KCTD1: variants seen among roughly 807,000 people sequenced by gnomAD.
KCTD1 encodes potassium channel tetramerization domain containing 1.
Under a neutral mutation model 66.0 loss-of-function variants are expected in KCTD1, and 24 were observed. The observed-to-expected ratio is 0.36, with a 90% CI of 0.26 to 0.51. The LOEUF is 0.51. Among genes scored for constraint, KCTD1 ranks in the 20% least tolerant of loss-of-function variants. The pLI is 0.95. For synonymous variants in KCTD1, 511 were observed against 517.2 expected, an observed-to-expected ratio of 0.99 and a Z score of 0.16; for missense variants, 943 against 1,205.2, an observed-to-expected ratio of 0.78 and a Z score of 3.22.
intron 1 of KCTD1, among the ~76,000 whole-genome samples, chr18:26,610,534 C>A (rs528449369): frequency 6.6e-6 from 1 of 150,852 alleles, no homozygotes; most frequent in African/African-American, 2.5e-5. Flanking sequence ...GCTATGACAG[C>A]GCCAATGCAC....
At chr18:26,550,666 G>A (rs1314320904), upstream of KCTD1, among the ~76,000 whole-genome samples, 1 of 152,122 alleles carries the variant, frequency 6.6e-6, no homozygotes, top group African/African-American at 2.4e-5. The surrounding 1 kb of genome is among the most constrained non-coding windows in gnomAD (Gnocchi z 5.4). Flanking sequence ...CCGAGGTGCG[G>A]CGCGGGAGGT....
intron 1 of KCTD1, among the ~76,000 whole-genome samples, chr18:26,525,499 A>C (rs889856255): frequency 6.6e-6 from 1 of 152,104 alleles, no homozygotes; most frequent in African/African-American, 2.4e-5. Context: ...AACTGAACTA[A>C]CTTGGTGTTT....
At chr18:26,605,724 A>ATATCTCTATATCTATC (rs375553943) in intron 1 of KCTD1, among the ~76,000 whole-genome samples, 9 of 136,044 alleles carry the variant, frequency 6.6e-5, no homozygotes, top group African/African-American at 1.7e-4. Context: ...ATATATCTCT[A>ATATCTCTATATCTATC]TATCTATCTA....
intron 1 of KCTD1, among the ~76,000 whole-genome samples, chr18:26,503,563 G>A (rs1192932398): frequency 3.9e-5 from 6 of 152,004 alleles, no homozygotes; most frequent in East Asian, 1.9e-4. Context: ...ATCACAGCGC[G>A]GCAGAGTCTG....
chr18:26,503,269 C>T (rs1982859975), intron 1 of KCTD1, among the ~76,000 whole-genome samples: 1 of 151,070 alleles, frequency 6.6e-6, no homozygotes. Context: ...GTTTGTAACA[C>T]ACAAAGAAGA....
chr18:26,547,441 G>C lies in KCTD1; in HGVS notation c.1096C>G (p.Arg366Gly). 6.4e-7 allele frequency: 1 copy of C among 1,551,420 alleles called. No homozygotes were observed. Among genetic ancestry groups the C allele is most frequent in the East Asian group, 2.4e-5 (1 of 40,924 alleles). The change falls in exon 1 of 5, where the codon CGC becomes GGC. Residue 366 changes from arginine to glycine, a missense_variant. Physicochemically the swap from Arg to Gly is moderately radical, Grantham distance 125. This residue lies in a region of KCTD1 where 66 missense variants were observed against 61.6 expected (regional missense o/e 1.07). Coordinates refer to ENST00000580059, the MANE Select transcript of KCTD1 (RefSeq NM_001142730.3). ...TTCTCCTCGTCGCTGCTCTCGGCGCGCTTCTTGCTCCACGACGACGAGCGC... is the reference window on the plus strand; with the variant it reads ...TTCTCCTCGTCGCTGCTCTCGGCGCCCTTCTTGCTCCACGACGACGAGCGC... ...KSRSSSWSKKRAESSDEENLP... is the reference protein window; with the variant it reads ...KSRSSSWSKKGAESSDEENLP...
chr18:26,608,724 C>T lies in KCTD1; in HGVS notation c.-16+20423G>A, dbSNP rs569639590. Among the ~76,000 whole-genome samples the T allele has an allele frequency of 2.9e-4, 44 of 152,238 alleles. No homozygotes were observed. In the South Asian group the frequency reaches 5.2e-3, roughly 18 times the overall value. On this transcript the variant is annotated intron_variant, in intron 1 of 4. Transcript: ENST00000317932. ...TCTTATTGTGCACAGTGATGCTTTACCCACTTTATATTGAACACAGTATAT... is the reference window on the plus strand; with the variant it reads ...TCTTATTGTGCACAGTGATGCTTTATCCACTTTATATTGAACACAGTATAT...
At chr18:26,511,538 T>C (rs1021335199) in intron 1 of KCTD1, among the ~76,000 whole-genome samples, 1 of 152,204 alleles carries the variant, frequency 6.6e-6, no homozygotes, top group Non-Finnish European at 1.5e-5. Flanking sequence ...AGGTTGGCAA[T>C]GAAACAGCGT....
chr18:26,547,661 C>T lies in KCTD1; in HGVS notation c.876G>A (p.Leu292=), dbSNP rs890301552. 1.9e-5 allele frequency: 30 copies of T among 1,551,448 alleles called. No homozygotes were observed. In the Admixed American group the frequency reaches 5.5e-4, roughly 28 times the overall value. The change falls in exon 1 of 5, where the codon CTG becomes CTA. Residue 292 remains leucine (L), a synonymous_variant. Transcript: ENST00000580059. ...QAITRADLRK[L]YTSSVFSTNT... ...TGGTGCTGAAGACGCTGGAGGTGTA[C>T]AGCTTGCGCAGGTCGGCGCGCGTGA...
At chr18:26,493,405 T>TTA (rs1982308606) in intron 2 of KCTD1, among the ~76,000 whole-genome samples, 1 of 110,046 alleles carries the variant, frequency 9.1e-6, no homozygotes, top group Non-Finnish European at 2.3e-5. Flanking sequence ...ATGTATTTTT[T>TTA]GGGGGGAAAA....
intron 1 of KCTD1, chr18:26,600,365 T>A (rs1434708277): frequency 8.9e-6 from 11 of 1,240,198 alleles, no homozygotes; most frequent in South Asian, 2.4e-5. Context: ...ATGGGACCCA[T>A]CTGCTCCTCC....
At chr18:26,458,479 G>A (rs887577336) in intron 4 of KCTD1, 1 of 152,130 alleles carries the variant, frequency 6.6e-6, no homozygotes, top group Non-Finnish European at 1.5e-5. Context: ...TGTGTCACAC[G>A]GAGCTGGAAT....
chr18:26,508,226 T>C (rs934617359), intron 1 of KCTD1, among the ~76,000 whole-genome samples: 1 of 152,212 alleles, frequency 6.6e-6, no homozygotes, highest in African/African-American at 2.4e-5. Flanking sequence ...TGCTGATCGG[T>C]GCATCTTTAA....
chr18:26,608,682 A>G (rs937821325), intron 1 of KCTD1, among the ~76,000 whole-genome samples: 3 of 152,156 alleles, frequency 2.0e-5, no homozygotes, highest in African/African-American at 7.2e-5. Flanking sequence ...TGAATGTATA[A>G]TTAATCACCT....
At chr18:26,535,074 G>C (rs914163546) in intron 1 of KCTD1, among the ~76,000 whole-genome samples, 2 of 132,656 alleles carry the variant, frequency 1.5e-5, no homozygotes, top group African/African-American at 5.6e-5. Context: ...AGAGCTCCCT[G>C]CCAAGGGCAT....
At chr18:26,466,770 A>G (rs1268975728) in intron 3 of KCTD1, among the ~76,000 whole-genome samples, 1 of 152,248 alleles carries the variant, frequency 6.6e-6, no homozygotes, top group Non-Finnish European at 1.5e-5. Context: ...AGCAAACAGC[A>G]TCACTGTGAT....
chr18:26,557,003 C>T lies in KCTD1; in HGVS notation c.-15-55753G>A, dbSNP rs537439812. Among the ~76,000 whole-genome samples the T allele has an allele frequency of 5.9e-5, 9 of 152,262 alleles. No individual in the cohort carries two copies. The East Asian group carries it at 1.5e-3, about 26-fold the overall frequency. ...ATTTTTGGCAAACTCCGCCAAGCAC[C>T]TGCTAAGAGACAGGAAGGAAAGAAG... On this transcript the variant is annotated intron_variant, in intron 1 of 4. Coordinates refer to the KCTD1 transcript ENST00000317932.
intron 1 of KCTD1, among the ~76,000 whole-genome samples, chr18:26,619,872 G>A (rs1260722637): frequency 6.6e-6 from 1 of 152,180 alleles, no homozygotes; most frequent in Non-Finnish European, 1.5e-5. Context: ...CCTATTATGT[G>A]AGATGACAAG....
At chr18:26,565,192 C>T (rs902486537) in intron 1 of KCTD1, among the ~76,000 whole-genome samples, 3 of 152,142 alleles carry the variant, frequency 2.0e-5, no homozygotes, top group Non-Finnish European at 4.4e-5. Flanking sequence ...TAATTAGGGA[C>T]CAGTTCTGTT....
Sources: allele counts gnomAD v4.1 joint callset (sites outside exome capture counted in the v4.1 genomes callset), GRCh38; gene constraint gnomAD v4.1.1; regional missense constraint gnomAD v4.1.1; non-coding constraint Gnocchi (gnomAD v3.1); transcripts MANE v1.5; gene names NCBI Gene and HGNC (gene_info 2026-07-23, HGNC 2026-07-21).